Variants in WDR20 observed in about 807,000 individuals in gnomAD.
WDR20 encodes WD repeat-containing protein 20.
WDR20 carries 3 observed loss-of-function variants against 38.7 expected under a neutral mutation model. That is an observed-to-expected ratio of 0.08 (90% CI 0.04 to 0.20). The LOEUF (loss-of-function observed/expected upper bound fraction) is 0.20, where lower values mean the gene tolerates loss of function less well. Ranked by LOEUF, WDR20 falls within the 10% of genes least tolerant of loss-of-function variation. The pLI is 1.00. For synonymous variants in WDR20, 298 were observed against 285.6 expected (o/e 1.04, Z -0.44); for missense variants, 559 against 727.7 (o/e 0.77, Z 2.67).
intron 2 of WDR20, among the ~76,000 whole-genome samples, chr14:102,197,008 G>T (rs948006090): frequency 1.3e-5 from 2 of 152,194 alleles, no homozygotes; most frequent in African/African-American, 2.4e-5. Flanking sequence ...CCGGAGGTTT[G>T]TTCCTTAGAG....
chr14:102,192,246 C>A (rs2058634655), intron 1 of WDR20, among the ~76,000 whole-genome samples: 1 of 150,976 alleles, frequency 6.6e-6, no homozygotes, highest in Non-Finnish European at 1.5e-5. Context: ...GTGGCACGAT[C>A]TCGGCTCACT....
In WDR20 at chr14:102,210,097, C is replaced by G; in HGVS notation, c.*217C>G. The G allele has an allele frequency of 7.6e-7, 1 of 1,324,028 alleles. No individual in the cohort carries two copies. Among genetic ancestry groups the G allele is most frequent in the Non-Finnish European group, 9.6e-7 (1 of 1,040,246 alleles). The allele number at this position is 1,324,028 out of a possible 1,614,324, so 82.0% of individuals were successfully genotyped here. On this transcript the variant is annotated 3_prime_UTR_variant, in exon 3 of 3. Transcript: ENST00000342702. ...AAATATAATCAAACTAATTGCCAGC[C>G]AAGTCAGTCATCCTCCTGGGAGTAT...
At chr14:102,224,756 ACT>A (rs1567116342), downstream of WDR20, 2 of 455,892 alleles carry the variant, frequency 4.4e-6, no homozygotes, top group Admixed American at 4.7e-5. Context: ...GCCAGCAGGG[ACT>A]CTGGATCACG....
At chr14:102,203,488 C>T (rs1052657819) in intron 2 of WDR20, among the ~76,000 whole-genome samples, 13 of 152,102 alleles carry the variant, frequency 8.5e-5, no homozygotes, top group African/African-American at 1.9e-4. Flanking sequence ...CAGCCGAAGC[C>T]CTTTAGCTTG....
chr14:102,211,026 C>T (rs1382737537), downstream of WDR20, among the ~76,000 whole-genome samples: 2 of 152,176 alleles, frequency 1.3e-5, no homozygotes, highest in African/African-American at 4.8e-5. The surrounding 1 kb of genome is among the most constrained non-coding windows in gnomAD (Gnocchi z 4.2). Context: ...GACCTGGTGG[C>T]CTGTGGCTTC....
At chr14:102,219,568 C>T (rs1433539284), downstream of WDR20, among the ~76,000 whole-genome samples, 2 of 152,224 alleles carry the variant, frequency 1.3e-5, no homozygotes, top group East Asian at 3.8e-4. Flanking sequence ...CTTCGCCTTC[C>T]GGTTAACTCC....
intron 1 of WDR20, among the ~76,000 whole-genome samples, chr14:102,161,237 G>A (rs1382289747): frequency 3.8e-5 from 5 of 132,302 alleles, no homozygotes; most frequent in Non-Finnish European, 6.2e-5. Context: ...TGCAACCTCC[G>A]CCTCCCGGGT....
intron 1 of WDR20, among the ~76,000 whole-genome samples, chr14:102,152,843 A>T (rs1216288987): frequency 6.6e-6 from 1 of 152,204 alleles, no homozygotes; most frequent in Non-Finnish European, 1.5e-5. Flanking sequence ...CTAATAAGCC[A>T]TTGTCCTGGG....
intron 1 of WDR20, among the ~76,000 whole-genome samples, chr14:102,170,933 C>T (rs1173129969): frequency 6.6e-6 from 1 of 151,858 alleles, no homozygotes; most frequent in Non-Finnish European, 1.5e-5. Flanking sequence ...CTTCTTCCTC[C>T]TCCTTGGGAA....
intron 1 of WDR20, among the ~76,000 whole-genome samples, chr14:102,163,101 G>A (rs1337790952): frequency 6.6e-6 from 1 of 152,126 alleles, no homozygotes; most frequent in Non-Finnish European, 1.5e-5. Context: ...GCCTTTAAGG[G>A]CTGATGAGAT....
At chr14:102,190,836 A>C (rs987579944) in intron 1 of WDR20, among the ~76,000 whole-genome samples, 4 of 152,068 alleles carry the variant, frequency 2.6e-5, no homozygotes, top group African/African-American at 9.7e-5. Context: ...CCCTGTCTCT[A>C]CTGAAAATAC....
At chr14:102,151,380 G>A (rs1007743717) in intron 1 of WDR20, among the ~76,000 whole-genome samples, 2 of 151,564 alleles carry the variant, frequency 1.3e-5, no homozygotes, top group African/African-American at 2.4e-5. Flanking sequence ...ATTAGGAGGT[G>A]TTTTTTTGTT....
chr14:102,155,856 A>G (rs908727572), intron 1 of WDR20, among the ~76,000 whole-genome samples: 3 of 151,168 alleles, frequency 2.0e-5, no homozygotes, highest in South Asian at 2.1e-4. Context: ...GCTCACTGCA[A>G]CCTCCATCCC....
chr14:102,215,044 T>C (rs1421888787), downstream of WDR20: 1 of 961,648 alleles, frequency 1.0e-6, no homozygotes, highest in Non-Finnish European at 1.2e-6. Context: ...CATCTAAGCT[T>C]TAAAAATCCC....
At chr14:102,202,720 C>T (rs1031309773) in intron 2 of WDR20, among the ~76,000 whole-genome samples, 5 of 151,912 alleles carry the variant, frequency 3.3e-5, no homozygotes, top group South Asian at 2.1e-4. Flanking sequence ...ACTCTTCCTC[C>T]GCTGCACCTG....
Position 102,209,533 on chromosome 14 carries a change from G to A in WDR20, c.1363G>A (p.Ala455Thr), listed in dbSNP as rs1567073455. 1 of 1,614,200 alleles carries A rather than the reference G, an allele frequency of 6.2e-7. No homozygotes were observed. Among genetic ancestry groups the A allele is most frequent in the Non-Finnish European group, 8.5e-7 (1 of 1,180,050 alleles). ...AAGCAGTGTCATGGACGGGGCCATT[G>A]CTTCTGGGGTCAGCAAATTTGCAAC... is the stretch of plus-strand genomic sequence containing the variant. ...SKSSVMDGAI[A>T]SGVSKFATLS... Residue 455 changes from alanine to threonine, a missense_variant, in exon 3 of 3, where the codon GCT becomes ACT. Coordinates refer to ENST00000342702, the MANE Select transcript of WDR20 (RefSeq NM_144574.4). This position sits in a 1 kb window ranked among gnomAD's most constrained non-coding sequence, Gnocchi z 6.0.
At chr14:102,164,610 A>G (rs1022917212) in intron 1 of WDR20, among the ~76,000 whole-genome samples, 10 of 152,202 alleles carry the variant, frequency 6.6e-5, no homozygotes, top group Non-Finnish European at 4.4e-5. Context: ...CGCTTGGCCC[A>G]CAACTTCCTT....
chr14:102,139,489 C>T (rs1428148845), upstream of WDR20: 6 of 1,391,998 alleles, frequency 4.3e-6, no homozygotes, highest in Non-Finnish European at 5.7e-6. Context: ...TTTGGGGTCC[C>T]GGCGCCCCTC....
downstream of WDR20, among the ~76,000 whole-genome samples, chr14:102,211,853 GT>G (rs1372632317): frequency 2.6e-5 from 4 of 152,254 alleles, no homozygotes; most frequent in East Asian, 7.7e-4. The surrounding 1 kb of genome is among the most constrained non-coding windows in gnomAD (Gnocchi z 4.2). Context: ...TAAATAGAGA[GT>G]GGCCGATCCC....
Sources: allele counts gnomAD v4.1 joint callset (sites outside exome capture counted in the v4.1 genomes callset), GRCh38; gene constraint gnomAD v4.1.1; non-coding constraint Gnocchi (gnomAD v3.1); transcripts MANE v1.5; gene names NCBI Gene and HGNC (gene_info 2026-07-23, HGNC 2026-07-21).